Variants in DOCK2 observed in about 807,000 individuals in gnomAD.
The protein encoded by DOCK2 is dedicator of cytokinesis protein 2.
In DOCK2, 87 loss-of-function variants were observed where a neutral mutation model predicts 248.9. That is an observed-to-expected ratio of 0.35 (90% CI 0.29 to 0.42). The LOEUF (loss-of-function observed/expected upper bound fraction) is 0.42. DOCK2 is among the 10% of genes least tolerant of loss of function. DOCK2 has a pLI of 1.00. For synonymous variants in DOCK2, 805 were observed against 821.6 expected, an observed-to-expected ratio of 0.98 and a Z score of 0.35; for missense variants, 1,747 against 2,300.2, an observed-to-expected ratio of 0.76 and a Z score of 4.92.
In DOCK2 at chr5:169,948,392, C is replaced by G. The variant is rs577582391; in HGVS notation, c.2800-34676C>G. ...GTAGGGGGAGAATGATTATTTGCAC[C>G]TTTCTCTGTTTTTTCATACCCATTC... On this transcript the variant is annotated intron_variant, in intron 27 of 51. Transcript: ENST00000520908. Among the ~76,000 whole-genome samples, 5 of 152,014 alleles carry G rather than the reference C, an allele frequency of 3.3e-5. No homozygotes were observed. In the East Asian group the frequency reaches 9.7e-4, roughly 29 times the overall value.
intron 27 of DOCK2, among the ~76,000 whole-genome samples, chr5:169,894,572 G>A (rs1200181131): frequency 1.3e-5 from 2 of 152,196 alleles, no homozygotes; most frequent in African/African-American, 2.4e-5. Flanking sequence ...AAGGGGGGAA[G>A]TTTATGGTCT....
intron 27 of DOCK2, among the ~76,000 whole-genome samples, chr5:169,955,858 T>G (rs1581468696): frequency 6.6e-6 from 1 of 152,178 alleles, no homozygotes; most frequent in Non-Finnish European, 1.5e-5. Context: ...TGTCTCATGG[T>G]CAAGGTGGCC....
At chr5:170,005,933 C>G (rs1325726015) in intron 30 of DOCK2, among the ~76,000 whole-genome samples, 4 of 152,080 alleles carry the variant, frequency 2.6e-5, no homozygotes, top group Non-Finnish European at 5.9e-5. Context: ...TACCTATTTC[C>G]CATGTACCTT....
chr5:169,832,026 T>G (rs1769259501), intron 26 of DOCK2, among the ~76,000 whole-genome samples: 1 of 152,234 alleles, frequency 6.6e-6, no homozygotes, highest in Non-Finnish European at 1.5e-5. Flanking sequence ...ACCACACTTC[T>G]GATCATGGAA....
At chr5:169,962,517 A>G (rs1777133255) in intron 27 of DOCK2, among the ~76,000 whole-genome samples, 1 of 152,176 alleles carries the variant, frequency 6.6e-6, no homozygotes, top group Non-Finnish European at 1.5e-5. Flanking sequence ...GATGCCTGCA[A>G]ACATTCACCT....
At chr5:169,821,746 A>G (rs1768461062) in intron 26 of DOCK2, among the ~76,000 whole-genome samples, 2 of 152,246 alleles carry the variant, frequency 1.3e-5, no homozygotes, top group South Asian at 4.1e-4. Flanking sequence ...TCATAATGAC[A>G]GGATTAAATT....
intron 30 of DOCK2, among the ~76,000 whole-genome samples, chr5:170,003,249 A>T (rs1163470333): frequency 1.3e-5 from 2 of 152,212 alleles, no homozygotes; most frequent in African/African-American, 4.8e-5. Context: ...AGGTACCATT[A>T]TGTTGGGTAT....
chr5:169,826,827 A>G (rs891902210), intron 26 of DOCK2, among the ~76,000 whole-genome samples: 1 of 152,036 alleles, frequency 6.6e-6, no homozygotes, highest in Admixed American at 6.6e-5. Flanking sequence ...ACCGTCTCAC[A>G]TTTTCCTAGA....
intron 27 of DOCK2, among the ~76,000 whole-genome samples, chr5:169,980,961 C>T (rs1220558738): frequency 6.6e-6 from 1 of 152,166 alleles, no homozygotes; most frequent in Non-Finnish European, 1.5e-5. Flanking sequence ...GTTTTCTAGT[C>T]ATTTACGGTG....
At chr5:169,641,563 G>A (rs551621457) in intron 1 of DOCK2, among the ~76,000 whole-genome samples, 54 of 152,290 alleles carry the variant, frequency 3.5e-4, no homozygotes, top group African/African-American at 1.3e-3. Flanking sequence ...GGGAGAGCAG[G>A]GAGAAGTGGT....
At chr5:169,780,884 TA>T (rs767581434) in intron 25 of DOCK2, among the ~76,000 whole-genome samples, 27 of 152,336 alleles carry the variant, frequency 1.8e-4, no homozygotes, top group Non-Finnish European at 2.5e-4. Context: ...AATATCACCA[TA>T]AAATATCGCC....
chr5:169,861,928 C>A (rs971966353), intron 27 of DOCK2, among the ~76,000 whole-genome samples: 2 of 130,640 alleles, frequency 1.5e-5, no homozygotes, highest in African/African-American at 2.5e-5. Context: ...TTTTTCTTTT[C>A]TTTTCTTTTC....
At chr5:169,732,971 A>G (rs1009262241) in intron 22 of DOCK2, among the ~76,000 whole-genome samples, 1 of 152,144 alleles carries the variant, frequency 6.6e-6, no homozygotes, top group Non-Finnish European at 1.5e-5. Context: ...ATGGTAATAC[A>G]TATTGTGCTT....
intron 24 of DOCK2, 122 bp downstream of exon 24, chr5:169,759,897 C>A: frequency 9.6e-7 from 1 of 1,044,968 alleles, no homozygotes; most frequent in Non-Finnish European, 1.4e-6. Flanking sequence ...AGACCTGTGG[C>A]AGGGGATGTT....
intron 41 of DOCK2, among the ~76,000 whole-genome samples, chr5:170,050,724 G>A (rs986554756): frequency 6.7e-6 from 1 of 148,882 alleles, no homozygotes; most frequent in Non-Finnish European, 1.5e-5. Flanking sequence ...GCTCCCTGCA[G>A]TAAGTTCCCA....
At chr5:169,935,655 G>A (rs965090110) in intron 27 of DOCK2, among the ~76,000 whole-genome samples, 35 of 152,162 alleles carry the variant, frequency 2.3e-4, no homozygotes, top group African/African-American at 7.5e-4. Flanking sequence ...GGTGATGAAC[G>A]TTGCCGATGC....
intron 17 of DOCK2, among the ~76,000 whole-genome samples, chr5:169,713,060 G>A (rs1464229080): frequency 1.3e-5 from 2 of 152,188 alleles, no homozygotes; most frequent in African/African-American, 2.4e-5. Flanking sequence ...ACACAGCCTC[G>A]TCAAGGCTTC....
intron 34 of DOCK2, among the ~76,000 whole-genome samples, chr5:170,029,637 A>G (rs1015580369): frequency 2.0e-5 from 3 of 152,182 alleles, no homozygotes; most frequent in African/African-American, 7.2e-5. Context: ...ACAGCTTGGT[A>G]ATTGCCCCCT....
At chr5:169,888,947 G>T (rs76109893) in intron 27 of DOCK2, among the ~76,000 whole-genome samples, 1 of 152,034 alleles carries the variant, frequency 6.6e-6, no homozygotes. Flanking sequence ...TCTCCCTGCC[G>T]TCTCTGTACT....
Sources: allele counts gnomAD v4.1 joint callset (sites outside exome capture counted in the v4.1 genomes callset), GRCh38; gene constraint gnomAD v4.1.1; transcripts MANE v1.5; gene names NCBI Gene and HGNC (gene_info 2026-07-23, HGNC 2026-07-21).